ORC6: variants seen among roughly 807,000 people sequenced by gnomAD.
ORC6 encodes origin recognition complex subunit 6, also known as origin recognition complex, subunit 6 homolog-like (yeast).
In ORC6, 31 loss-of-function variants were observed where a neutral mutation model predicts 30.0. The observed-to-expected ratio is 1.03, with a 90% confidence interval of 0.78 to 1.40. ORC6 has a LOEUF of 1.40. Ranked by LOEUF, ORC6 falls within the 40% of genes most tolerant of loss-of-function variation. The pLI is 0.00. For missense variants in ORC6, 340 were observed against 304.3 expected (o/e 1.12, Z -0.87); for synonymous variants, 136 against 111.2 (o/e 1.22, Z -1.40).
At chr16:46,696,513 T>C (rs924856521) in intron 6 of ORC6, among the ~76,000 whole-genome samples, 1 of 152,146 alleles carries the variant, frequency 6.6e-6, no homozygotes, top group African/African-American at 2.4e-5. Flanking sequence ...ACAAAAGAAA[T>C]GTTTCCAAGT....
intron 6 of ORC6, chr16:46,696,289 C>T: frequency 1.7e-6 from 1 of 600,810 alleles, no homozygotes; most frequent in Non-Finnish European, 3.0e-6. Flanking sequence ...GGCACAGTGG[C>T]TTATTCCTGT....
At chr16:46,696,155 CTTGCCTG>C in intron 6 of ORC6, 70 bp downstream of exon 6, 2 of 1,106,174 alleles carry the variant, frequency 1.8e-6, no homozygotes, top group Non-Finnish European at 2.8e-6. Flanking sequence ...GCTCTAGCAG[CTTGCCTG>C]ACAGGAGTCC....
chr16:46,698,210 T>C lies in ORC6; in HGVS notation c.*625T>C, dbSNP rs748053452. 16 of 454,884 alleles carry C rather than the reference T, an allele frequency of 3.5e-5. No individual in the cohort carries two copies. Among genetic ancestry groups the C allele is most frequent in the South Asian group, 2.5e-4 (16 of 64,404 alleles). The allele number at this position is 454,884 out of a possible 1,614,324, so 28.2% of individuals were successfully genotyped here. A position where few individuals can be genotyped will look rare whatever the true frequency, so the allele number is the denominator to read the frequency against. ...ATAGATAGATAGATAGATAGATAGA[T>C]AGATAAACGGAATTGGAGCCATTTT... is the stretch of plus-strand genomic sequence containing the variant. On this transcript the variant is annotated 3_prime_UTR_variant, in exon 7 of 7. Transcript: ENST00000219097.
At chr16:46,692,687 G>T in intron 3 of ORC6, 142 bp downstream of exon 3, 1 of 701,466 alleles carries the variant, frequency 1.4e-6, no homozygotes, top group East Asian at 2.8e-5. Context: ...GGCCAACATG[G>T]TGAAACCCCA....
chr16:46,692,586 T>C, intron 3 of ORC6, 41 bp downstream of exon 3: 2 of 1,572,074 alleles, frequency 1.3e-6, no homozygotes, highest in South Asian at 2.2e-5. Flanking sequence ...TGTATACCAA[T>C]AGGCCGGGCG....
rs1243120799 is a variant in ORC6, at chr16:46,694,441, C to T, written c.450-1121C>T. The stretch of plus-strand genomic sequence containing the variant: ...TCACTTCCCAGTAGGGGCGGCCGGG[C>T]AGAGGCGCCCCTCACCTCCCGGACG... On this transcript the variant is annotated intron_variant, in intron 4 of 6. Transcript: ENST00000219097. 3 of 135,816 alleles carry T rather than the reference C, an allele frequency of 2.2e-5. No individual in the cohort carries two copies. In the East Asian group the frequency reaches 6.7e-4, roughly 31 times the overall value. The allele number at this position is 135,816 out of a possible 1,614,324, so 8.4% of individuals were successfully genotyped here.
In ORC6 at chr16:46,697,744, C is replaced by A; in HGVS notation, c.*159C>A. The A allele has an allele frequency of 2.5e-6, 2 of 794,460 alleles. No homozygotes were observed. Among genetic ancestry groups the A allele is most frequent in the Non-Finnish European group, 4.3e-6 (2 of 465,188 alleles). The allele number at this position is 794,460 out of a possible 1,614,324, so 49.2% of individuals were successfully genotyped here. A position where few individuals can be genotyped will look rare whatever the true frequency, so the allele number is the denominator to read the frequency against. On this transcript the variant is annotated 3_prime_UTR_variant, in exon 7 of 7. Coordinates refer to ENST00000219097, the MANE Select transcript of ORC6 (RefSeq NM_014321.4). ...AGCCTACCTGGAGGCTAAGTCTGGG[C>A]AGTGGGCTGGCCCCTGGTGTGAGCA...
At position 46,689,802 on chromosome 16, in the gene ORC6, C is replaced by T. The variant is rs115482842; in HGVS notation, c.65+32C>T. Reference sequence around the variant, plus strand: ...TCGGCCGCGCAAGACCAGGGCTGGGCTTCCGCCTCGCGGCCCTGGGCCCTC... The same window carrying T: ...TCGGCCGCGCAAGACCAGGGCTGGGTTTCCGCCTCGCGGCCCTGGGCCCTC... On this transcript the variant is annotated intron_variant, in intron 1 of 6. Coordinates refer to ENST00000219097, the MANE Select transcript of ORC6 (RefSeq NM_014321.4). 2.8e-4 allele frequency: 440 copies of T among 1,562,114 alleles called. 3 individuals carry two copies. The African/African-American group carries it at 5.2e-3, about 18-fold the overall frequency.
In ORC6 at chr16:46,697,490, C is replaced by T. The variant is rs1333236295; in HGVS notation, c.664C>T (p.Pro222Ser). ...MEKVEEMPHKPQKDEDLTQDY... is the reference protein window; with the variant it reads ...MEKVEEMPHKSQKDEDLTQDY... ...GAAGGTAGAGGAGATGCCACATAAA[C>T]CACAGAAAGATGAAGATCTGACACA... The change falls in exon 7 of 7, where the codon CCA becomes TCA. Residue 222 changes from proline to serine, a missense_variant. Coordinates refer to ENST00000219097, the MANE Select transcript of ORC6 (RefSeq NM_014321.4). 1.1e-5 allele frequency: 17 copies of T among 1,613,494 alleles called. No homozygotes were observed. Among genetic ancestry groups the T allele is most frequent in the Admixed American group, 1.7e-5 (1 of 60,012 alleles).
At chr16:46,696,369 A>T in intron 6 of ORC6, 1 of 489,114 alleles carries the variant, frequency 2.0e-6, no homozygotes, top group Non-Finnish European at 3.7e-6. Flanking sequence ...CAGCCTGGGC[A>T]GCTACAGCTA....
intron 5 of ORC6, 97 bp downstream of exon 5, chr16:46,695,771 T>C (rs1318037896): frequency 3.6e-6 from 3 of 831,944 alleles, no homozygotes; most frequent in African/African-American, 3.4e-5. Flanking sequence ...GGCTGCTTCC[T>C]AAATTCCGTA....
rs549940969 is a variant in ORC6 at position 46,695,736 on chromosome 16, T to G, written c.562+62T>G. ...AATGTAGTCCTTTTGCTTGTAAAAG[T>G]CAAATATTTTCAAATATGTAAACTG... On this transcript the variant is annotated intron_variant, in intron 5 of 6. Coordinates refer to ENST00000219097, the MANE Select transcript of ORC6 (RefSeq NM_014321.4). 5.3e-5 allele frequency: 53 copies of G among 1,003,164 alleles called. No homozygotes were observed. In the South Asian group the frequency reaches 7.0e-4, roughly 13 times the overall value. 62.1% of individuals were successfully genotyped at this position (1,003,164 alleles called of 1,614,324 possible). A position where few individuals can be genotyped will look rare whatever the true frequency, so the allele number is the denominator to read the frequency against.
In ORC6 at chr16:46,695,660, G is replaced by T. The variant is rs773829594; in HGVS notation, c.548G>T (p.Gly183Val). ...DRLCKQLEKI[G>V]QQVDREPGDV... The stretch of plus-strand genomic sequence containing the variant: ...CTGTGTAAACAACTAGAGAAGATTG[G>T]ACAGCAGGTCGACAGTAAGTATTCT... Residue 183 changes from glycine to valine, a missense_variant, in exon 5 of 7, where the codon GGA becomes GTA. By Grantham distance (109) the Gly-to-Val change is moderately radical (BLOSUM62 -3). Transcript: ENST00000219097. 1.2e-6 allele frequency: 2 copies of T among 1,602,700 alleles called. No individual in the cohort carries two copies. Among genetic ancestry groups the T allele is most frequent in the Admixed American group, 3.3e-5 (2 of 60,004 alleles).
intron 1 of ORC6, among the ~76,000 whole-genome samples, chr16:46,690,204 TA>T (rs1966417486): frequency 6.6e-6 from 1 of 152,134 alleles, no homozygotes; most frequent in African/African-American, 2.4e-5. Flanking sequence ...CGGCTGCCTT[TA>T]ACACAAAGAA....
intron 4 of ORC6, chr16:46,694,566 G>A (rs1596735927): frequency 7.0e-6 from 1 of 142,746 alleles, no homozygotes; most frequent in Admixed American, 6.8e-5. Flanking sequence ...CCTCCCGGAC[G>A]GGGCAGCTGG....
chr16:46,692,531 A>G lies in ORC6; in HGVS notation c.345A>G (p.Ser115=). The change falls in exon 3 of 7, where the codon TCA becomes TCG. Residue 115 remains serine (S), a synonymous_variant. Coordinates refer to ENST00000219097, the MANE Select transcript of ORC6 (RefSeq NM_014321.4). ...FSCIEAVNMA[S]KILKSYESSL... The stretch of plus-strand genomic sequence containing the variant: ...GTATAGAAGCAGTGAACATGGCTTC[A>G]AAGATACTAAAAAGGTATGGGGCAT... The G allele has an allele frequency of 6.2e-7, 1 of 1,613,408 alleles. No individual in the cohort carries two copies. The highest frequency in any genetic ancestry group is 8.5e-7 in the Non-Finnish European group (1 of 1,179,358).
chr16:46,698,187 A>AGATG lies in ORC6; in HGVS notation c.*605_*606insGGAT. The AGATG allele has an allele frequency of 2.5e-6, 1 of 404,756 alleles. No homozygotes were observed. The highest frequency in any genetic ancestry group is 4.9e-6 in the Non-Finnish European group (1 of 202,364). The allele number at this position is 404,756 out of a possible 1,614,324, so 25.1% of individuals were successfully genotyped here. A position where few individuals can be genotyped will look rare whatever the true frequency, so the allele number is the denominator to read the frequency against. On this transcript the variant is annotated 3_prime_UTR_variant, in exon 7 of 7. Coordinates refer to ENST00000219097, the MANE Select transcript of ORC6 (RefSeq NM_014321.4). Reference sequence around the variant, plus strand: ...TAGATAGATAGATAGATAGATGGATAGATAGATAGATAGATAGATAGATAG... The same window carrying AGATG: ...TAGATAGATAGATAGATAGATGGATAGATGGATAGATAGATAGATAGATAGATAG...
chr16:46,690,984 T>C lies in ORC6; in HGVS notation c.66-7T>C, dbSNP rs764083893. 2 of 1,614,166 alleles carry C rather than the reference T, an allele frequency of 1.2e-6. No homozygotes were observed. The highest frequency in any genetic ancestry group is 4.5e-5 in the East Asian group (2 of 44,886). ...AGTTGTAGCGAACACACTGCCCTTTTAACCAGGAAAGCAGAGGAGTACTTG... is the reference window on the plus strand; with the variant it reads ...AGTTGTAGCGAACACACTGCCCTTTCAACCAGGAAAGCAGAGGAGTACTTG... On this transcript the variant is annotated splice_polypyrimidine_tract_variant and splice_region_variant and intron_variant, in intron 1 of 6. Transcript: ENST00000219097.
In ORC6 at chr16:46,689,796, G is replaced by T. The variant is rs1966405884; in HGVS notation, c.65+26G>T. On this transcript the variant is annotated intron_variant, in intron 1 of 6. Transcript: ENST00000219097. Reference sequence around the variant, plus strand: ...GTGAGTTCGGCCGCGCAAGACCAGGGCTGGGCTTCCGCCTCGCGGCCCTGG... The same window carrying T: ...GTGAGTTCGGCCGCGCAAGACCAGGTCTGGGCTTCCGCCTCGCGGCCCTGG... 1.9e-6 allele frequency: 3 copies of T among 1,570,510 alleles called. No individual in the cohort carries two copies. The East Asian group carries it at 6.9e-5, about 36-fold the overall frequency.
Sources: allele counts gnomAD v4.1 joint callset (sites outside exome capture counted in the v4.1 genomes callset), GRCh38; gene constraint gnomAD v4.1.1; transcripts MANE v1.5; gene names NCBI Gene and HGNC (gene_info 2026-07-23, HGNC 2026-07-21).